E2F3: variants seen among roughly 807,000 people sequenced by gnomAD.
E2F3 encodes E2F transcription factor 3, also known as transcription factor E2F3.
E2F3 carries 11 observed loss-of-function variants against 44.4 expected under a neutral mutation model. That is an observed-to-expected ratio of 0.25 (90% CI 0.16 to 0.41). The LOEUF (loss-of-function observed/expected upper bound fraction) is 0.41. E2F3 is among the 10% of genes least tolerant of loss of function. The probability of loss-of-function intolerance (pLI) is 1.00; values close to 1 mark genes in which losing one functional copy is unlikely to be tolerated. For missense variants in E2F3, 487 were observed against 583.6 expected (o/e 0.83, Z 1.70); for synonymous variants, 249 against 253.0 (o/e 0.98, Z 0.15).
chr6:20,452,142 C>T (rs1353118010), intron 1 of E2F3, among the ~76,000 whole-genome samples: 3 of 152,124 alleles, frequency 2.0e-5, no homozygotes, highest in Non-Finnish European at 4.4e-5. Flanking sequence ...GCTCTTTGTA[C>T]GTCTGGTAGA....
Position 20,465,580 on chromosome 6 carries a change from T to A in E2F3, c.394-14266T>A, listed in dbSNP as rs545239256. On this transcript the variant is annotated intron_variant, in intron 1 of 6. Coordinates refer to ENST00000346618, the MANE Select transcript of E2F3 (RefSeq NM_001949.5). ...CACTCATCACTCGAGCAGTGTACAC[T>A]GCACCCAATTTGTAGTCTTTTATCC... 1.3e-4 allele frequency among the ~76,000 whole-genome samples: 20 copies of A among 152,314 alleles called. No individual in the cohort carries two copies. The East Asian group carries it at 3.7e-3, about 28-fold the overall frequency.
intron 1 of E2F3, among the ~76,000 whole-genome samples, chr6:20,428,844 C>T (rs952707843): frequency 2.0e-5 from 3 of 151,880 alleles, no homozygotes; most frequent in African/African-American, 7.3e-5. Flanking sequence ...GCTTTTTTTC[C>T]CCCTTTTGTT....
intron 1 of E2F3, among the ~76,000 whole-genome samples, chr6:20,474,546 C>A (rs2127616821): frequency 6.6e-6 from 1 of 152,208 alleles, no homozygotes; most frequent in South Asian, 2.1e-4. Context: ...ACAATGAATA[C>A]CTCTCCAATC....
chr6:20,429,573 C>T (rs12523853), intron 1 of E2F3, among the ~76,000 whole-genome samples: 4,130 of 152,166 alleles, frequency 0.027, 76 homozygotes, highest in Non-Finnish European at 0.038. Context: ...GAGAGACTAC[C>T]GTATTTTTTC....
At chr6:20,407,710 T>G (rs1345754863) in intron 1 of E2F3, among the ~76,000 whole-genome samples, 1 of 152,248 alleles carries the variant, frequency 6.6e-6, no homozygotes, top group Non-Finnish European at 1.5e-5. Context: ...CTTCAAGTAC[T>G]CATAGTTAAT....
In E2F3 at chr6:20,491,952, G is replaced by T. The variant is rs1762564911; in HGVS notation, c.*1522G>T. 5.4e-6 allele frequency: 1 copy of T among 184,170 alleles called. No homozygotes were observed. The highest frequency in any genetic ancestry group is 2.3e-5 in the African/African-American group (1 of 42,564). The allele number at this position is 184,170 out of a possible 1,614,324, so 11.4% of individuals were successfully genotyped here. A position where few individuals can be genotyped will look rare whatever the true frequency, so the allele number is the denominator to read the frequency against. ...GCTTTCCCTCGGGCAGGTGGCAGCGGCCATCTCCCACTGGGAATATGGCGT... is the reference window on the plus strand; with the variant it reads ...GCTTTCCCTCGGGCAGGTGGCAGCGTCCATCTCCCACTGGGAATATGGCGT... On this transcript the variant is annotated 3_prime_UTR_variant, in exon 7 of 7. Transcript: ENST00000346618.
chr6:20,402,023 G>A lies in E2F3; in HGVS notation c.-210G>A, dbSNP rs1759319366. The A allele has an allele frequency of 2.5e-6, 2 of 788,492 alleles. No individual in the cohort carries two copies. Among genetic ancestry groups the A allele is most frequent in the Non-Finnish European group, 3.5e-6 (2 of 564,104 alleles). The allele number at this position is 788,492 out of a possible 1,614,324, so 48.8% of individuals were successfully genotyped here. A position where few individuals can be genotyped will look rare whatever the true frequency, so the allele number is the denominator to read the frequency against. The stretch of plus-strand genomic sequence containing the variant: ...TGGGGCCCGATATCCGTGCGGCCGG[G>A]ACCCTCCTCTCTCCAGAGCCCCGAT... On this transcript the variant is annotated 5_prime_UTR_variant, in exon 1 of 7. Coordinates refer to ENST00000346618, the MANE Select transcript of E2F3 (RefSeq NM_001949.5). The surrounding 1 kb of genome is among the most constrained non-coding windows in gnomAD (Gnocchi z 5.6).
intron 1 of E2F3, among the ~76,000 whole-genome samples, chr6:20,423,957 A>C (rs1429913906): frequency 2.0e-5 from 3 of 151,238 alleles, no homozygotes; most frequent in African/African-American, 7.3e-5. Context: ...GTTAGTAGAG[A>C]TGGGGTTTCA....
intron 1 of E2F3, among the ~76,000 whole-genome samples, chr6:20,474,380 G>T (rs1761982413): frequency 6.6e-6 from 1 of 152,198 alleles, no homozygotes; most frequent in Non-Finnish European, 1.5e-5. Flanking sequence ...ACCCTTGAAA[G>T]TACTGCCGGA....
chr6:20,466,967 A>G (rs1335594681), intron 1 of E2F3, among the ~76,000 whole-genome samples: 4 of 152,158 alleles, frequency 2.6e-5, no homozygotes, highest in African/African-American at 9.7e-5. Flanking sequence ...GGTGTGAACA[A>G]CCGCGCCCGG....
intron 1 of E2F3, among the ~76,000 whole-genome samples, chr6:20,411,946 C>T (rs755125068): frequency 6.0e-4 from 91 of 152,236 alleles, no homozygotes; most frequent in Non-Finnish European, 1.1e-3. Context: ...GCCCACTACA[C>T]TATAGGCTCA....
At chr6:20,459,445 C>G (rs1188804603) in intron 1 of E2F3, among the ~76,000 whole-genome samples, 1 of 152,158 alleles carries the variant, frequency 6.6e-6, no homozygotes, top group Non-Finnish European at 1.5e-5. Flanking sequence ...TCTGAAACCT[C>G]CCGTTACCAC....
At chr6:20,428,635 G>T (rs1447218114) in intron 1 of E2F3, among the ~76,000 whole-genome samples, 1 of 152,186 alleles carries the variant, frequency 6.6e-6, no homozygotes, top group Non-Finnish European at 1.5e-5. Flanking sequence ...GGTCAGAAAG[G>T]TTAGCCCTCT....
At chr6:20,413,431 G>A (rs760624260) in intron 1 of E2F3, among the ~76,000 whole-genome samples, 3 of 152,298 alleles carry the variant, frequency 2.0e-5, no homozygotes, top group Middle Eastern at 3.4e-3. Flanking sequence ...GCTCTTCCTC[G>A]TTTGGAAAGA....
intron 1 of E2F3, among the ~76,000 whole-genome samples, chr6:20,410,126 C>T (rs895844921): frequency 1.3e-5 from 2 of 152,288 alleles, no homozygotes; most frequent in Non-Finnish European, 2.9e-5. Flanking sequence ...CTGTATATTT[C>T]GTTCCACTCT....
At position 20,488,351 on chromosome 6, in the gene E2F3, AT is replaced by A. The variant is rs1762458661; in HGVS notation, c.1135+105del. On this transcript the variant is annotated intron_variant, in intron 6 of 6. Coordinates refer to ENST00000346618, the MANE Select transcript of E2F3 (RefSeq NM_001949.5). ...GCCTAGGCAAGAAACACAAACTTCT[AT>A]TGGTATTAGGTAACATGTTTTAAAA... 8 of 1,343,416 alleles carry A rather than the reference AT, an allele frequency of 6.0e-6. No individual in the cohort carries two copies. In the South Asian group the frequency reaches 9.2e-5, roughly 16 times the overall value. The allele number at this position is 1,343,416 out of a possible 1,614,324, so 83.2% of individuals were successfully genotyped here. A position where few individuals can be genotyped will look rare whatever the true frequency, so the allele number is the denominator to read the frequency against.
chr6:20,474,634 C>A (rs1039982335), intron 1 of E2F3, among the ~76,000 whole-genome samples: 2 of 152,172 alleles, frequency 1.3e-5, no homozygotes, highest in Non-Finnish European at 2.9e-5. Context: ...TGGTGCTCAG[C>A]CCAGGGCAGG....
intron 1 of E2F3, among the ~76,000 whole-genome samples, chr6:20,462,150 G>A (rs1761531698): frequency 6.6e-6 from 1 of 152,130 alleles, no homozygotes; most frequent in African/African-American, 2.4e-5. Flanking sequence ...TGCTGAGGTA[G>A]CTTACCTTTC....
chr6:20,405,573 C>G (rs1759467934), intron 1 of E2F3, among the ~76,000 whole-genome samples: 2 of 152,076 alleles, frequency 1.3e-5, no homozygotes, highest in South Asian at 4.1e-4. Context: ...GCCTGTAATC[C>G]CGGTACTTTG....
Sources: gnomAD v4.1 joint callset for allele counts (sites outside exome capture counted in the v4.1 genomes callset) on GRCh38, gnomAD v4.1.1 for gene constraint, Gnocchi (gnomAD v3.1) non-coding constraint, MANE v1.5 for transcripts, NCBI Gene and HGNC (gene_info 2026-07-23, HGNC 2026-07-21) for gene names.